The following MAGED1 variants were observed in gnomAD, a reference collection of about 807,000 sequenced individuals.
MAGED1 encodes melanoma-associated antigen D1.
A neutral mutation model predicts 54.1 loss-of-function variants in MAGED1; 3 were observed. The ratio of observed to expected loss-of-function variants is 0.06; its 90% CI spans 0.03 to 0.14. MAGED1 has a LOEUF of 0.14. Ranked by LOEUF, MAGED1 falls within the 10% of genes least tolerant of loss-of-function variation. The pLI is 1.00. For synonymous variants in MAGED1, 217 were observed against 227.3 expected (o/e 0.95, Z 0.41); for missense variants, 485 against 623.4 (o/e 0.78, Z 2.36).
intron 1 of MAGED1, among the ~76,000 whole-genome samples, chrX:51,851,113 G>A: frequency 9.0e-6 from 1 of 111,582 alleles, no homozygotes; most frequent in Non-Finnish European, 1.9e-5. Context: ...GATTGACAGG[G>A]ATTTGAATCC....
At chrX:51,873,538 A>T (rs974574902) in intron 1 of MAGED1, among the ~76,000 whole-genome samples, 16 of 104,192 alleles carry the variant, frequency 1.5e-4, no homozygotes, top group African/African-American at 3.2e-4. Context: ...TGTGTGTGAG[A>T]GAGAGAGAGA....
At chrX:51,804,681 A>G (rs1557354865) in intron 1 of MAGED1, among the ~76,000 whole-genome samples, 1 of 111,373 alleles carries the variant, frequency 9.0e-6, no homozygotes, top group Non-Finnish European at 1.9e-5. Context: ...CTGGTGTTAA[A>G]TGAACGAAAC....
intron 1 of MAGED1, among the ~76,000 whole-genome samples, chrX:51,854,867 T>A (rs1219001768): frequency 1.8e-5 from 2 of 111,568 alleles, no homozygotes; most frequent in African/African-American, 6.5e-5. Context: ...TCTTCTTCAG[T>A]CTCCTGAAGA....
At chrX:51,894,894 C>T in intron 2 of MAGED1, 159 bp from the exon 3 acceptor site, 1 of 961,171 alleles carries the variant, frequency 1.0e-6, no homozygotes, top group African/African-American at 2.0e-5. Context: ...CCCCATCGCC[C>T]CTCGCGGGCC....
intron 1 of MAGED1, among the ~76,000 whole-genome samples, chrX:51,872,675 G>T (rs1927724461): frequency 8.9e-6 from 1 of 112,012 alleles, no homozygotes; most frequent in Non-Finnish European, 1.9e-5. Flanking sequence ...TGTTTTCTGA[G>T]CACTGGTCAG....
intron 10 of MAGED1, chrX:51,899,721 T>C: frequency 2.2e-5 from 3 of 137,157 alleles, no homozygotes; most frequent in Non-Finnish European, 4.2e-5. Context: ...GGATTACAGG[T>C]GTGAGCCACC....
chrX:51,901,649 G>A lies in MAGED1; in HGVS notation c.2056G>A (p.Ala686Thr). Residue 686 changes from alanine (A) to threonine (T), a missense_variant, in exon 12 of 13, where the codon GCC becomes ACC. Physicochemically the swap from Ala to Thr is moderately conservative, Grantham distance 58 (BLOSUM62 0). This residue lies in a region of MAGED1 where 186 missense variants were observed against 330.3 expected (regional missense o/e 0.56). Coordinates refer to ENST00000326587, the MANE Select transcript of MAGED1 (RefSeq NM_006986.4). ...ALDAAAAEAE[A>T]RAEARTRMGI... ...GGATGCTGCTGCAGCTGAGGCCGAA[G>A]CCCGGGCTGAAGCAAGAACCCGCAT... 8.3e-7 allele frequency: 1 copy of A among 1,211,291 alleles called. No homozygotes were observed. The highest frequency in any genetic ancestry group is 1.7e-5 in the African/African-American group (1 of 57,805).
At chrX:51,890,644 G>A (rs1288428967), upstream of MAGED1, among the ~76,000 whole-genome samples, 2 of 111,133 alleles carry the variant, frequency 1.8e-5, no homozygotes, top group African/African-American at 6.5e-5. Context: ...GATCTATAAC[G>A]CTATATAAAG....
At chrX:51,814,326 C>T (rs1202648048) in intron 1 of MAGED1, among the ~76,000 whole-genome samples, 6 of 111,629 alleles carry the variant, frequency 5.4e-5, no homozygotes, top group Non-Finnish European at 1.1e-4. Context: ...GCCGCCACCA[C>T]CACCTGTGCT....
At chrX:51,854,774 G>T (rs1927025298) in intron 1 of MAGED1, among the ~76,000 whole-genome samples, 1 of 111,216 alleles carries the variant, frequency 9.0e-6, no homozygotes, top group Non-Finnish European at 1.9e-5. Context: ...CTTTTCATCT[G>T]GTGGGTGCCC....
intron 1 of MAGED1, among the ~76,000 whole-genome samples, chrX:51,808,810 A>T (rs1925116590): frequency 1.8e-5 from 2 of 112,518 alleles, no homozygotes; most frequent in Non-Finnish European, 3.8e-5. Flanking sequence ...ATCTATTCTC[A>T]CCCATTTTTT....
chrX:51,864,692 A>G (rs1393370207), intron 1 of MAGED1, among the ~76,000 whole-genome samples: 2 of 111,223 alleles, frequency 1.8e-5, no homozygotes, highest in African/African-American at 3.3e-5. Context: ...ATTTATTCCT[A>G]AGTATTTTAT....
intron 1 of MAGED1, among the ~76,000 whole-genome samples, chrX:51,881,437 T>TA (rs1557362481): frequency 3.7e-5 from 4 of 107,456 alleles, no homozygotes; most frequent in Non-Finnish European, 5.8e-5. Flanking sequence ...TTTTTTGAGA[T>TA]GGAGTTTCGC....
intron 5 of MAGED1, 88 bp downstream of exon 5, chrX:51,897,359 C>G: frequency 2.2e-6 from 2 of 905,208 alleles, no homozygotes; most frequent in Non-Finnish European, 3.2e-6. Flanking sequence ...CTCTGCCCTT[C>G]CCTTCACTCC....
chrX:51,896,626 C>T lies in MAGED1; in HGVS notation c.971C>T (p.Pro324Leu). 8.2e-7 allele frequency: 1 copy of T among 1,212,172 alleles called. No homozygotes were observed. The highest frequency in any genetic ancestry group is 1.1e-6 in the Non-Finnish European group (1 of 895,580). ...RQTPPARQSPPARQTPPAWQN... is the reference protein window; with the variant it reads ...RQTPPARQSPLARQTPPAWQN... ...ACCCCACCAGCACGTCAGAGCCCTCCAGCTAGGCAGACCCCACCAGCCTGG... is the reference window on the plus strand; with the variant it reads ...ACCCCACCAGCACGTCAGAGCCCTCTAGCTAGGCAGACCCCACCAGCCTGG... The change falls in exon 4 of 13, where the codon CCA (proline) becomes CTA (leucine). Residue 324 changes from proline to leucine, a missense_variant. This residue lies in a region of MAGED1 where 299 missense variants were observed against 293.1 expected (regional missense o/e 1.02). Transcript: ENST00000326587.
intron 1 of MAGED1, among the ~76,000 whole-genome samples, chrX:51,869,300 G>A (rs968745672): frequency 9.0e-5 from 10 of 111,475 alleles, no homozygotes; most frequent in East Asian, 2.8e-4. Context: ...AGTGGGTGTC[G>A]TGGGTACCAT....
chrX:51,823,745 A>G (rs1293128346), intron 1 of MAGED1, among the ~76,000 whole-genome samples: 5 of 109,745 alleles, frequency 4.6e-5, no homozygotes, highest in South Asian at 3.8e-4. Flanking sequence ...AATATTTTCC[A>G]CTGTGCCATT....
intron 1 of MAGED1, among the ~76,000 whole-genome samples, chrX:51,827,774 C>T (rs1354602171): frequency 9.0e-6 from 1 of 111,478 alleles, no homozygotes; most frequent in Non-Finnish European, 1.9e-5. Flanking sequence ...ACACCTTGCC[C>T]CAATCCTCAG....
intron 1 of MAGED1, among the ~76,000 whole-genome samples, chrX:51,860,032 G>A (rs1422573833): frequency 9.0e-6 from 1 of 111,553 alleles, no homozygotes; most frequent in African/African-American, 3.3e-5. Context: ...TTGGAAGGCC[G>A]AGGCGGGCAG....
Sources: gnomAD v4.1 joint callset for allele counts (sites outside exome capture counted in the v4.1 genomes callset) on GRCh38, gnomAD v4.1.1 for gene constraint, gnomAD v4.1.1 regional missense constraint, MANE v1.5 for transcripts, NCBI Gene and HGNC (gene_info 2026-07-23, HGNC 2026-07-21) for gene names.